MYOM1: variants seen among roughly 807,000 people sequenced by gnomAD.
MYOM1 encodes the protein myomesin-1.
MYOM1 carries 164 observed loss-of-function variants against 205.3 expected under a neutral mutation model. That is an observed-to-expected ratio of 0.80 (90% CI 0.70 to 0.91). The LOEUF (loss-of-function observed/expected upper bound fraction) is 0.91. Among genes scored for constraint, MYOM1 ranks in the 40% least tolerant of loss-of-function variants. MYOM1 has a pLI of 0.00. For synonymous variants in MYOM1, 772 were observed against 789.4 expected (o/e 0.98, Z 0.37); for missense variants, 2,011 against 2,127.3 (o/e 0.95, Z 1.08).
At chr18:3,126,264 CAAAA>C (rs575517054) in intron 19 of MYOM1, among the ~76,000 whole-genome samples, 1 of 65,088 alleles carries the variant, frequency 1.5e-5, no homozygotes, top group Non-Finnish European at 3.2e-5. Flanking sequence ...GACTTCATCT[CAAAA>C]AAAAAAAAAA....
chr18:3,090,330 A>ATT (rs1329949140), intron 27 of MYOM1, among the ~76,000 whole-genome samples: 3 of 147,656 alleles, frequency 2.0e-5, no homozygotes, highest in African/African-American at 7.5e-5. Context: ...AATGATTCTC[A>ATT]TGCCTCAGCC....
At chr18:3,183,076 T>C (rs1158069581) in intron 5 of MYOM1, among the ~76,000 whole-genome samples, 1 of 152,090 alleles carries the variant, frequency 6.6e-6, no homozygotes, top group African/African-American at 2.4e-5. Flanking sequence ...ATTACAGGCA[T>C]GCTCCACCAC....
intron 33 of MYOM1, 27 bp downstream of exon 33, chr18:3,083,762 A>G (rs1279566184): frequency 4.6e-6 from 7 of 1,526,380 alleles, no homozygotes; most frequent in Non-Finnish European, 5.3e-6. Flanking sequence ...GAATTTCTAC[A>G]CAGCAAGTAA....
chr18:3,241,804 G>A, the MYOM1 span, among the ~76,000 whole-genome samples: 1 of 152,226 alleles, frequency 6.6e-6, no homozygotes, highest in African/African-American at 2.4e-5. Context: ...CAAAGCCACA[G>A]GAGCAGAGCT....
chr18:3,151,881 G>A lies in MYOM1; in HGVS notation c.1656C>T (p.Gly552=), dbSNP rs2080228669. The A allele has an allele frequency of 1.5e-5, 24 of 1,612,004 alleles. No homozygotes were observed. The highest frequency in any genetic ancestry group is 2.0e-5 in the Non-Finnish European group (24 of 1,178,658). ...LGYFIDKCEV[G]TDSWSQCNDT... ...CATTGCACTGCGACCAGCTATCTGT[G>A]CCCACCTCACACCTAAAGGAATGAG... is the stretch of plus-strand genomic sequence containing the variant. Residue 552 remains glycine, a synonymous_variant, in exon 12 of 38, where the codon GGC becomes GGT. Transcript: ENST00000356443.
chr18:3,086,935 AACAG>A (rs1315921177), intron 29 of MYOM1, among the ~76,000 whole-genome samples: 1 of 152,240 alleles, frequency 6.6e-6, no homozygotes, highest in Non-Finnish European at 1.5e-5. Flanking sequence ...CCATAAAACC[AACAG>A]ACAAAGACAA....
At position 3,194,108 on chromosome 18, in the gene MYOM1, G is replaced by A. The variant is rs111629594; in HGVS notation, c.291-150C>T. ...ATCTCTTATCTTTAGAATTAAAGTA[G>A]AGTTAGAAAGATTTCAAATAATGGA... On this transcript the variant is annotated intron_variant, in intron 2 of 37. Transcript: ENST00000356443. 4 of 831,232 alleles carry A rather than the reference G, an allele frequency of 4.8e-6. No individual in the cohort carries two copies. In the South Asian group the frequency reaches 8.5e-5, roughly 18 times the overall value. 51.5% of individuals were successfully genotyped at this position (831,232 alleles called of 1,614,324 possible). A position where few individuals can be genotyped will look rare whatever the true frequency, so the allele number is the denominator to read the frequency against.
intron 30 of MYOM1, among the ~76,000 whole-genome samples, chr18:3,085,688 C>CAAG (rs1286495573): frequency 2.0e-5 from 3 of 152,156 alleles, no homozygotes; most frequent in African/African-American, 7.2e-5. Context: ...CTCTTTTAGA[C>CAAG]AAGAAGTAGA....
At chr18:3,196,809 T>G (rs139709684) in intron 2 of MYOM1, among the ~76,000 whole-genome samples, 1 of 152,336 alleles carries the variant, frequency 6.6e-6, no homozygotes, top group Admixed American at 6.5e-5. Flanking sequence ...AAATGCACTC[T>G]CCGGAAATAT....
chr18:3,088,322 GT>G (rs1385056723), intron 29 of MYOM1, among the ~76,000 whole-genome samples: 5 of 152,190 alleles, frequency 3.3e-5, no homozygotes, highest in Non-Finnish European at 5.9e-5. Context: ...GAGAGAGAAG[GT>G]GAGGGCTTCA....
intron 25 of MYOM1, among the ~76,000 whole-genome samples, chr18:3,096,591 C>A (rs1254296080): frequency 2.0e-5 from 3 of 151,966 alleles, no homozygotes; most frequent in Admixed American, 2.0e-4. Context: ...CAGGCGAGAG[C>A]CACCACACCT....
Position 3,067,626 on chromosome 18 carries a change from C to T in MYOM1, c.4765-71G>A, listed in dbSNP as rs145887177. Reference sequence around the variant, plus strand: ...ATAGACACACTGTCAACAATCTTGCCGGCTGGTGGCTTGGCATGACCAAAG... The same window carrying T: ...ATAGACACACTGTCAACAATCTTGCTGGCTGGTGGCTTGGCATGACCAAAG... On this transcript the variant is annotated intron_variant, in intron 37 of 37. Transcript: ENST00000356443. 2.1e-3 allele frequency: 3,209 copies of T among 1,521,458 alleles called. 13 individuals carry two copies. The highest frequency in any genetic ancestry group is 9.9e-3 in the Middle Eastern group (46 of 4,642). 94.2% of individuals were successfully genotyped at this position (1,521,458 alleles called of 1,614,324 possible).
At chr18:3,235,434 T>C in the MYOM1 span, among the ~76,000 whole-genome samples, 1 of 152,194 alleles carries the variant, frequency 6.6e-6, no homozygotes, top group African/African-American at 2.4e-5. Context: ...ATTCTGAACA[T>C]ACTAATCCCA....
At chr18:3,101,036 G>A (rs775789406) in intron 23 of MYOM1, among the ~76,000 whole-genome samples, 52 of 152,336 alleles carry the variant, frequency 3.4e-4, no homozygotes, top group Middle Eastern at 3.4e-3. Flanking sequence ...ATATTGCTAG[G>A]CAGTGTCTAA....
At chr18:3,159,075 A>C (rs2080343555) in intron 10 of MYOM1, among the ~76,000 whole-genome samples, 1 of 150,534 alleles carries the variant, frequency 6.6e-6, no homozygotes, top group Admixed American at 6.6e-5. Flanking sequence ...ACAGAGTGTG[A>C]AAAAAAAAGA....
intron 25 of MYOM1, among the ~76,000 whole-genome samples, chr18:3,095,015 A>C (rs904354594): frequency 1.3e-5 from 2 of 152,056 alleles, no homozygotes; most frequent in Non-Finnish European, 2.9e-5. Context: ...ATGTAAATTA[A>C]TATTTCTTTG....
intron 30 of MYOM1, 61 bp from the exon 31 acceptor site, chr18:3,085,193 A>C (rs1399873823): frequency 2.0e-6 from 1 of 503,900 alleles, no homozygotes. Flanking sequence ...GGTATCTGTG[A>C]TTTTTTTTTT....
chr18:3,123,661 CTTATTA>C (rs1363566594), intron 19 of MYOM1, among the ~76,000 whole-genome samples: 1 of 148,984 alleles, frequency 6.7e-6, no homozygotes, highest in Non-Finnish European at 1.5e-5. Flanking sequence ...TTTTGTCTTA[CTTATTA>C]TTATTACTAT....
chr18:3,077,000 C>T (rs1251823506), intron 34 of MYOM1, among the ~76,000 whole-genome samples: 1 of 150,962 alleles, frequency 6.6e-6, no homozygotes, highest in African/African-American at 2.4e-5. Flanking sequence ...GCGTGAGCCA[C>T]AGCTCCCAGC....
Sources: gnomAD v4.1 joint callset for allele counts (sites outside exome capture counted in the v4.1 genomes callset) on GRCh38, gnomAD v4.1.1 for gene constraint, MANE v1.5 for transcripts, NCBI Gene and HGNC (gene_info 2026-07-23, HGNC 2026-07-21) for gene names.